ADAMTS19: variants seen among roughly 807,000 people sequenced by gnomAD.
ADAMTS19 encodes A disintegrin and metalloproteinase with thrombospondin motifs 19.
In ADAMTS19, 93 loss-of-function variants were observed where a neutral mutation model predicts 153.3. That is an observed-to-expected ratio of 0.61 (90% CI 0.51 to 0.72). The LOEUF (loss-of-function observed/expected upper bound fraction) is 0.72, where lower values mean the gene tolerates loss of function less well. Ranked by LOEUF, ADAMTS19 falls within the 30% of genes least tolerant of loss-of-function variation. The pLI is 0.00. For missense variants in ADAMTS19, 1,482 were observed against 1,552.1 expected (o/e 0.95, Z 0.76); for synonymous variants, 600 against 556.6 (o/e 1.08, Z -1.10).
rs1055490159 is a variant in ADAMTS19 at position 129,673,427 on chromosome 5, ATTGT to A, written c.2507-6334_2507-6331del. The stretch of plus-strand genomic sequence containing the variant: ...TGATTCATGAGTTACTTATAAATGG[ATTGT>A]TTAATTTCCAAATTTTTTTAGTTTT... On this transcript the variant is annotated intron_variant, in intron 16 of 22. Transcript: ENST00000274487. Among the ~76,000 whole-genome samples the A allele has an allele frequency of 1.0e-3, 158 of 152,156 alleles. 4 individuals carry two copies. The highest frequency in any genetic ancestry group is 1.3e-3 in the Admixed American group (20 of 15,286).
At chr5:129,625,479 C>A (rs1468991878) in intron 10 of ADAMTS19, among the ~76,000 whole-genome samples, 2 of 152,188 alleles carry the variant, frequency 1.3e-5, no homozygotes, top group African/African-American at 4.8e-5. Flanking sequence ...CCTGTTTCTC[C>A]ACATTCTCTC....
chr5:129,546,431 T>C lies in ADAMTS19; in HGVS notation c.1329-5433T>C, dbSNP rs953785801. Among the ~76,000 whole-genome samples, 6 of 150,494 alleles carry C rather than the reference T, an allele frequency of 4.0e-5. 1 individual carries two copies. Among genetic ancestry groups the C allele is most frequent in the African/African-American group, 1.5e-4 (6 of 40,052 alleles). On this transcript the variant is annotated intron_variant, in intron 6 of 22. Transcript: ENST00000274487. ...AGAAGATAAATAAAAACAAAATCAG[T>C]ACCTTGACCCATCTTCGTGGGACTG...
chr5:129,710,220 G>A (rs182364491), intron 21 of ADAMTS19, among the ~76,000 whole-genome samples: 1 of 152,252 alleles, frequency 6.6e-6, no homozygotes, highest in Non-Finnish European at 1.5e-5. Context: ...AGAACATTCA[G>A]TGTTTGCTTT....
chr5:129,702,934 AAAAAAAAATAT>A (rs1254564530), intron 20 of ADAMTS19, among the ~76,000 whole-genome samples: 44 of 122,920 alleles, frequency 3.6e-4, no homozygotes, highest in Admixed American at 1.1e-3. Context: ...CTTGCCAAAA[AAAAAAAAATAT>A]ATATATATAT....
chr5:129,613,507 A>T (rs1459245960), intron 8 of ADAMTS19, among the ~76,000 whole-genome samples: 2 of 152,212 alleles, frequency 1.3e-5, no homozygotes, highest in African/African-American at 4.8e-5. Context: ...GACACAACAT[A>T]CCAGAATCTC....
At chr5:129,587,460 ATT>A (rs1561586929) in intron 7 of ADAMTS19, among the ~76,000 whole-genome samples, 1 of 152,000 alleles carries the variant, frequency 6.6e-6, no homozygotes, top group African/African-American at 2.4e-5. Flanking sequence ...TCAATGATTA[ATT>A]TTTAGAAATC....
At chr5:129,722,205 T>G (rs1314295535) in intron 21 of ADAMTS19, among the ~76,000 whole-genome samples, 1 of 152,244 alleles carries the variant, frequency 6.6e-6, no homozygotes, top group African/African-American at 2.4e-5. Context: ...TAAACTAATT[T>G]ACATTCCCAC....
At chr5:129,590,249 C>T (rs1326631280) in intron 7 of ADAMTS19, among the ~76,000 whole-genome samples, 1 of 152,128 alleles carries the variant, frequency 6.6e-6, no homozygotes, top group Non-Finnish European at 1.5e-5. Context: ...ATGATTTTAT[C>T]TCTCCAGATT....
intron 7 of ADAMTS19, among the ~76,000 whole-genome samples, chr5:129,579,372 G>T (rs1222266032): frequency 6.6e-6 from 1 of 151,870 alleles, no homozygotes; most frequent in African/African-American, 2.4e-5. Flanking sequence ...CAAAAATGTT[G>T]TCCCATTCTT....
chr5:129,534,293 C>A (rs568845525), intron 6 of ADAMTS19, among the ~76,000 whole-genome samples: 2 of 152,102 alleles, frequency 1.3e-5, no homozygotes, highest in African/African-American at 4.8e-5. Flanking sequence ...ATTGGGTAAA[C>A]ACCTCTACGC....
intron 2 of ADAMTS19, among the ~76,000 whole-genome samples, chr5:129,475,766 G>A (rs1233156405): frequency 6.6e-6 from 1 of 152,232 alleles, no homozygotes; most frequent in Non-Finnish European, 1.5e-5. Flanking sequence ...CTGGGAGGGA[G>A]AGGTTGCAGT....
intron 8 of ADAMTS19, among the ~76,000 whole-genome samples, chr5:129,607,316 A>G (rs147254664): frequency 1.3e-5 from 2 of 152,346 alleles, no homozygotes; most frequent in Non-Finnish European, 2.9e-5. Flanking sequence ...ATTTACCTAT[A>G]TATAGGTTCC....
chr5:129,555,354 A>C (rs976900061), intron 7 of ADAMTS19, among the ~76,000 whole-genome samples: 3 of 152,134 alleles, frequency 2.0e-5, no homozygotes, highest in Admixed American at 6.6e-5. Flanking sequence ...ACTGTAATTC[A>C]AACAGTATTT....
intron 3 of ADAMTS19, among the ~76,000 whole-genome samples, chr5:129,513,991 G>A (rs1751518323): frequency 1.3e-5 from 2 of 151,982 alleles, no homozygotes; most frequent in East Asian, 1.9e-4. Context: ...ATATCCATGA[G>A]TTCAATAGTT....
chr5:129,535,177 C>T (rs1330200030), intron 6 of ADAMTS19, among the ~76,000 whole-genome samples: 1 of 152,136 alleles, frequency 6.6e-6, no homozygotes, highest in Non-Finnish European at 1.5e-5. Context: ...ATCATCTCAG[C>T]CCAAAATCTC....
chr5:129,526,582 TA>T, intron 4 of ADAMTS19, 126 bp downstream of exon 4: 1 of 908,770 alleles, frequency 1.1e-6, no homozygotes, highest in East Asian at 3.2e-5. Context: ...TTGTCATCAG[TA>T]AAAAAATACT....
chr5:129,532,692 TTA>T (rs1365674564), intron 6 of ADAMTS19, among the ~76,000 whole-genome samples: 1 of 152,174 alleles, frequency 6.6e-6, no homozygotes, highest in Non-Finnish European at 1.5e-5. Context: ...TTGCCAAAAC[TTA>T]TAAATAAATT....
intron 2 of ADAMTS19, among the ~76,000 whole-genome samples, chr5:129,495,976 G>A (rs1322289716): frequency 6.6e-6 from 1 of 151,978 alleles, no homozygotes; most frequent in Non-Finnish European, 1.5e-5. Context: ...GTATGGAAAG[G>A]CTGGGAAGAA....
chr5:129,655,318 A>T (rs1344252100), intron 14 of ADAMTS19, among the ~76,000 whole-genome samples: 1 of 152,174 alleles, frequency 6.6e-6, no homozygotes, highest in Non-Finnish European at 1.5e-5. Context: ...TATTGTTTGG[A>T]TACAAGCTGC....
Sources: gnomAD v4.1 joint callset for allele counts (sites outside exome capture counted in the v4.1 genomes callset) on GRCh38, gnomAD v4.1.1 for gene constraint, MANE v1.5 for transcripts, NCBI Gene and HGNC (gene_info 2026-07-23, HGNC 2026-07-21) for gene names.